The following PDCD2L variants were observed in gnomAD, a reference collection of about 807,000 sequenced individuals.
PDCD2L encodes the protein programmed cell death 2 like.
In PDCD2L, 44 loss-of-function variants were observed where a neutral mutation model predicts 40.4. That is an observed-to-expected ratio of 1.09 (90% CI 0.86 to 1.40). PDCD2L has a LOEUF of 1.40. PDCD2L is among the 40% of genes most tolerant of loss of function. The pLI is 0.00. For missense variants in PDCD2L, 470 were observed against 453.7 expected (o/e 1.04, Z -0.33); for synonymous variants, 194 against 174.6 (o/e 1.11, Z -0.88).
At chr19:34,410,798 T>G (rs945036126) in intron 4 of PDCD2L, among the ~76,000 whole-genome samples, 6 of 34,342 alleles carry the variant, frequency 1.7e-4, no homozygotes, top group South Asian at 8.3e-4. Flanking sequence ...TTATTTATTT[T>G]TGTGTGTGTG....
chr19:34,412,257 A>G (rs1303890170), intron 4 of PDCD2L, among the ~76,000 whole-genome samples: 1 of 151,722 alleles, frequency 6.6e-6, no homozygotes, highest in East Asian at 1.9e-4. Context: ...TGACCTCGTG[A>G]TCCACCTGCC....
At chr19:34,414,571 C>T (rs1378858848) in intron 5 of PDCD2L, among the ~76,000 whole-genome samples, 1 of 140,396 alleles carries the variant, frequency 7.1e-6, no homozygotes, top group African/African-American at 2.6e-5. Context: ...CTCAGTGCAC[C>T]TTGACCTCCT....
rs2069069760 is a variant in PDCD2L at position 34,404,420 on chromosome 19, G to A, written c.-11G>A. The A allele has an allele frequency of 6.5e-7, 1 of 1,539,194 alleles. No homozygotes were observed. Among genetic ancestry groups the A allele is most frequent in the Non-Finnish European group, 8.7e-7 (1 of 1,143,444 alleles). On this transcript the variant is annotated 5_prime_UTR_variant, in exon 1 of 7. Coordinates refer to ENST00000246535, the MANE Select transcript of PDCD2L (RefSeq NM_032346.2). ...CCGTAGTTTGCGTTTTCACCTGGTCGCCCGGCGGCCATGGCGGCCGTTCTG... is the reference window on the plus strand; with the variant it reads ...CCGTAGTTTGCGTTTTCACCTGGTCACCCGGCGGCCATGGCGGCCGTTCTG...
intron 5 of PDCD2L, among the ~76,000 whole-genome samples, chr19:34,420,104 C>T (rs1363819710): frequency 2.0e-5 from 3 of 152,000 alleles, no homozygotes; most frequent in Non-Finnish European, 4.4e-5. Context: ...GCAGCCGCGG[C>T]CTCAGCCTCC....
chr19:34,416,998 C>A (rs1462686589), intron 5 of PDCD2L, among the ~76,000 whole-genome samples: 1 of 151,992 alleles, frequency 6.6e-6, no homozygotes, highest in Non-Finnish European at 1.5e-5. Flanking sequence ...CCTATAGTCC[C>A]AGCTGTTCAG....
At position 34,409,293 on chromosome 19, in the gene PDCD2L, G is replaced by A. The variant is rs1002246213; in HGVS notation, c.469G>A (p.Asp157Asn). The change falls in exon 4 of 7, where the codon GAC becomes AAC. Residue 157 changes from aspartate to asparagine, a missense_variant. Coordinates refer to ENST00000246535, the MANE Select transcript of PDCD2L (RefSeq NM_032346.2). The part of the protein sequence containing the change: ...GNDASSAKDV[D>N]WTARLQDLRL... ...TGATGCCAGCAGTGCCAAAGACGTA[G>A]ACTGGACTGCTCGGCTCCAAGACCT... 3 of 1,614,030 alleles carry A rather than the reference G, an allele frequency of 1.9e-6. No individual in the cohort carries two copies. The highest frequency in any genetic ancestry group is 2.7e-5 in the African/African-American group (2 of 74,924).
chr19:34,423,863 C>CT (rs1212901079), intron 6 of PDCD2L, among the ~76,000 whole-genome samples: 2 of 152,180 alleles, frequency 1.3e-5, no homozygotes, highest in Non-Finnish European at 2.9e-5. Flanking sequence ...TATCACCACT[C>CT]TTAGAGTGAG....
intron 5 of PDCD2L, among the ~76,000 whole-genome samples, chr19:34,418,191 A>G (rs1599874226): frequency 1.3e-5 from 2 of 152,344 alleles, no homozygotes; most frequent in African/African-American, 4.8e-5. Flanking sequence ...TGATAAGTTG[A>G]CATCCATATA....
chr19:34,420,238 G>A (rs566100766), intron 5 of PDCD2L, among the ~76,000 whole-genome samples: 71 of 151,536 alleles, frequency 4.7e-4, no homozygotes, highest in Non-Finnish European at 9.4e-4. Context: ...TGATTCACCC[G>A]CCTCAGCCTC....
At chr19:34,404,591 G>A in intron 1 of PDCD2L, 53 bp downstream of exon 1, 2 of 1,589,022 alleles carry the variant, frequency 1.3e-6, no homozygotes, top group Non-Finnish European at 8.5e-7. Flanking sequence ...AGGGTGCGGA[G>A]GGAGTGGGCG....
chr19:34,408,239 G>A (rs1436305189), intron 3 of PDCD2L, among the ~76,000 whole-genome samples: 2 of 152,190 alleles, frequency 1.3e-5, no homozygotes, highest in African/African-American at 2.4e-5. Context: ...GCTAGGCATA[G>A]TATTAGCAGT....
In PDCD2L at chr19:34,405,053, G is replaced by A. The variant is rs2075067611; in HGVS notation, c.336+63G>A. ...ATTTGAGGATATTTTCCAGAGAATA[G>A]TTTGGGGCAGACTTTAAAGCCGTGT... On this transcript the variant is annotated intron_variant, in intron 3 of 6. Transcript: ENST00000246535. The A allele has an allele frequency of 2.2e-5, 35 of 1,568,310 alleles. No homozygotes were observed. In the South Asian group the frequency reaches 3.9e-4, roughly 17 times the overall value.
chr19:34,408,459 T>C (rs934366509), intron 3 of PDCD2L, among the ~76,000 whole-genome samples: 4 of 151,568 alleles, frequency 2.6e-5, no homozygotes, highest in African/African-American at 9.7e-5. Context: ...GCCTCCTGAG[T>C]AGCTGGATTA....
Position 34,413,849 on chromosome 19 carries a change from TAAAA to T in PDCD2L, c.797+6_797+9del. 1 of 1,529,452 alleles carries T rather than the reference TAAAA, an allele frequency of 6.5e-7. No homozygotes were observed. Among genetic ancestry groups the T allele is most frequent in the African/African-American group, 1.4e-5 (1 of 72,744 alleles). The allele number at this position is 1,529,452 out of a possible 1,614,324, so 94.7% of individuals were successfully genotyped here. A position where few individuals can be genotyped will look rare whatever the true frequency, so the allele number is the denominator to read the frequency against. ...TGCTTGTCAGGAGCAGATTTTGAGG[TAAAA>T]AAAGGCACAGTTCCTTTTATTGTTT... On this transcript the variant is annotated splice_donor_5th_base_variant and intron_variant, in intron 5 of 6. Coordinates refer to ENST00000246535, the MANE Select transcript of PDCD2L (RefSeq NM_032346.2).
intron 3 of PDCD2L, among the ~76,000 whole-genome samples, chr19:34,405,878 C>T (rs1189872777): frequency 6.6e-6 from 1 of 151,676 alleles, no homozygotes; most frequent in Non-Finnish European, 1.5e-5. Flanking sequence ...TGCACTCCAG[C>T]GTGGGTGACA....
intron 4 of PDCD2L, among the ~76,000 whole-genome samples, chr19:34,411,574 C>A (rs2075103673): frequency 6.6e-6 from 1 of 152,030 alleles, no homozygotes; most frequent in Admixed American, 6.6e-5. Flanking sequence ...CCTCAAACTC[C>A]TGGCCTCAGG....
intron 2 of PDCD2L, 25 bp downstream of exon 2, chr19:34,404,840 C>T: frequency 6.2e-7 from 1 of 1,604,790 alleles, no homozygotes; most frequent in Non-Finnish European, 8.5e-7. Context: ...CCCAGAGCTG[C>T]TCCAGGGGTG....
At chr19:34,422,757 C>T (rs1388779366) in intron 6 of PDCD2L, among the ~76,000 whole-genome samples, 1 of 151,734 alleles carries the variant, frequency 6.6e-6, no homozygotes, top group Non-Finnish European at 1.5e-5. Flanking sequence ...GCTCTGTCGC[C>T]CAGGCTGGAG....
intron 4 of PDCD2L, among the ~76,000 whole-genome samples, chr19:34,411,388 C>T (rs965451657): frequency 2.6e-5 from 4 of 151,654 alleles, no homozygotes; most frequent in Admixed American, 6.6e-5. Context: ...CATAGGCGTG[C>T]GCCACTTCAC....
Sources: allele counts gnomAD v4.1 joint callset (sites outside exome capture counted in the v4.1 genomes callset), GRCh38; gene constraint gnomAD v4.1.1; transcripts MANE v1.5; gene names NCBI Gene and HGNC (gene_info 2026-07-23, HGNC 2026-07-21).